The following TSPAN17 variants were observed in gnomAD, a reference collection of about 807,000 sequenced individuals.
TSPAN17 encodes the protein tetraspanin 17.
Under a neutral mutation model 40.5 loss-of-function variants are expected in TSPAN17, and 33 were observed. That is an observed-to-expected ratio of 0.81 (90% CI 0.62 to 1.09). TSPAN17 has a LOEUF of 1.09. TSPAN17 is among the 50% of genes least tolerant of loss of function. The probability of loss-of-function intolerance (pLI) is 0.00; values close to 1 mark genes in which losing one functional copy is unlikely to be tolerated. For missense variants in TSPAN17, 365 were observed against 416.8 expected (o/e 0.88, Z 1.08); for synonymous variants, 166 against 169.4 (o/e 0.98, Z 0.15).
chr5:176,651,609 C>G lies in TSPAN17; in HGVS notation c.88-7C>G, dbSNP rs758636703. 1 of 1,612,280 alleles carries G rather than the reference C, an allele frequency of 6.2e-7. No homozygotes were observed. The highest frequency in any genetic ancestry group is 1.3e-5 in the African/African-American group (1 of 75,014). On this transcript the variant is annotated splice_polypyrimidine_tract_variant and splice_region_variant and intron_variant, in intron 1 of 8. Coordinates refer to ENST00000508164, the MANE Select transcript of TSPAN17 (RefSeq NM_130465.5). The surrounding 1 kb of genome is among the most constrained non-coding windows in gnomAD (Gnocchi z 4.5). ...CAGCCCTGAGCTCTTTGTTGCTGCC[C>G]TTGCAGGTGCTGGGAGCCCTGTTCC...
intron 1 of TSPAN17, among the ~76,000 whole-genome samples, chr5:176,648,515 G>T (rs1214188188): frequency 6.6e-6 from 1 of 152,232 alleles, no homozygotes; most frequent in Non-Finnish European, 1.5e-5. Context: ...GAGGCCTTGG[G>T]TCAAGATGCC....
intron 8 of TSPAN17, 197 bp from the exon 9 acceptor site, chr5:176,657,321 C>A: frequency 1.0e-6 from 1 of 993,394 alleles, no homozygotes; most frequent in Non-Finnish European, 1.4e-6. Context: ...CCCCCCGTTC[C>A]CTGCCCCCCA....
chr5:176,657,452 C>T, intron 8 of TSPAN17, 66 bp from the exon 9 acceptor site: 1 of 1,547,808 alleles, frequency 6.5e-7, no homozygotes, highest in Non-Finnish European at 8.7e-7. Context: ...AGGAACCCAC[C>T]TCAGCCTCAG....
chr5:176,657,200 G>T, intron 8 of TSPAN17: 1 of 617,810 alleles, frequency 1.6e-6, no homozygotes, highest in Non-Finnish European at 2.8e-6. Flanking sequence ...CGTGTGCACA[G>T]GGAGCCACCG....
At chr5:176,652,080 T>G (rs559086538) in intron 3 of TSPAN17, among the ~76,000 whole-genome samples, 180 bp downstream of exon 3, 3 of 152,188 alleles carry the variant, frequency 2.0e-5, no homozygotes, top group Non-Finnish European at 4.4e-5. Context: ...CGAGACCTGG[T>G]GGCCCAAGCA....
In TSPAN17 at chr5:176,650,879, G is replaced by A. The variant is rs1030623244; in HGVS notation, c.88-737G>A. Among the ~76,000 whole-genome samples, 2 of 152,172 alleles carry A rather than the reference G, an allele frequency of 1.3e-5. No homozygotes were observed. Among genetic ancestry groups the A allele is most frequent in the Admixed American group, 6.5e-5 (1 of 15,278 alleles). The stretch of plus-strand genomic sequence containing the variant: ...TGAGAGTGACCAGCCTGGACATCCA[G>A]GGCTCTTCCCAGTAGGGAATTGAGG... On this transcript the variant is annotated intron_variant, in intron 1 of 8. Transcript: ENST00000508164. This position sits in a 1 kb window ranked among gnomAD's most constrained non-coding sequence, Gnocchi z 4.0.
chr5:176,656,816 G>C lies in TSPAN17; in HGVS notation c.747G>C (p.Gln249His). The C allele has an allele frequency of 6.2e-7, 1 of 1,614,222 alleles. No homozygotes were observed. Among genetic ancestry groups the C allele is most frequent in the Non-Finnish European group, 8.5e-7 (1 of 1,180,030 alleles). ...AGVFMGIALL[Q>H]IFGICLAQNL... Reference sequence around the variant, plus strand: ...TCTTCATGGGCATCGCCCTCCTCCAGGTACCCTTGTGGCCCCACGTGCCCC... The same window carrying C: ...TCTTCATGGGCATCGCCCTCCTCCACGTACCCTTGTGGCCCCACGTGCCCC... The change falls in exon 7 of 9, where the codon CAG (glutamine) becomes CAC (histidine). Residue 249 changes from glutamine (Q) to histidine (H), a missense_variant and splice_region_variant. Transcript: ENST00000508164.
Position 176,651,326 on chromosome 5 carries a change from C to G in TSPAN17, c.88-290C>G, listed in dbSNP as rs1326549911. 6.6e-6 allele frequency among the ~76,000 whole-genome samples: 1 copy of G among 152,184 alleles called. No individual in the cohort carries two copies. Among genetic ancestry groups the G allele is most frequent in the African/African-American group, 2.4e-5 (1 of 41,426 alleles). On this transcript the variant is annotated intron_variant, in intron 1 of 8. Coordinates refer to ENST00000508164, the MANE Select transcript of TSPAN17 (RefSeq NM_130465.5). This position sits in a 1 kb window ranked among gnomAD's most constrained non-coding sequence, Gnocchi z 4.5. ...ACCCCCGCTGACACAGCTGCTATTG[C>G]TCCTTGGCAGGAGTGTCTTGGCCAC... is the stretch of plus-strand genomic sequence containing the variant.
chr5:176,647,769 C>A, intron 1 of TSPAN17, 67 bp downstream of exon 1: 1 of 1,417,062 alleles, frequency 7.1e-7, no homozygotes, highest in Non-Finnish European at 9.5e-7. Context: ...CAGTCTTTTG[C>A]TGGGGGAGAC....
At chr5:176,655,127 T>G in intron 5 of TSPAN17, 107 bp downstream of exon 5, 4 of 1,380,866 alleles carry the variant, frequency 2.9e-6, no homozygotes, top group Non-Finnish European at 3.8e-6. Context: ...GGGGCGTGGA[T>G]GCTGGGGGAC....
chr5:176,648,397 G>T (rs1469802258), intron 1 of TSPAN17, among the ~76,000 whole-genome samples: 1 of 152,230 alleles, frequency 6.6e-6, no homozygotes, highest in Non-Finnish European at 1.5e-5. Flanking sequence ...CCCTACCGGG[G>T]AAGGGAGCTA....
rs1484261441 is a variant in TSPAN17 at position 176,650,599 on chromosome 5, C to G, written c.88-1017C>G. Reference sequence around the variant, plus strand: ...GCAGGAGAAGTGATGTTTGGTTTCACATCAGCAGACCCAGCAGGCAGGAGG... The same window carrying G: ...GCAGGAGAAGTGATGTTTGGTTTCAGATCAGCAGACCCAGCAGGCAGGAGG... On this transcript the variant is annotated intron_variant, in intron 1 of 8. Coordinates refer to ENST00000508164, the MANE Select transcript of TSPAN17 (RefSeq NM_130465.5). The surrounding 1 kb of genome is among the most constrained non-coding windows in gnomAD (Gnocchi z 4.0). Among the ~76,000 whole-genome samples the G allele has an allele frequency of 1.3e-5, 2 of 152,180 alleles. No individual in the cohort carries two copies. Among genetic ancestry groups the G allele is most frequent in the Non-Finnish European group, 2.9e-5 (2 of 68,024 alleles).
chr5:176,654,796 C>A lies in TSPAN17; in HGVS notation c.457-99C>A. The stretch of plus-strand genomic sequence containing the variant: ...CCACTTGGCTGTCCCAGCCCTGTCC[C>A]AGACAGCCCTGTATTCCTGCAGCCT... On this transcript the variant is annotated intron_variant, in intron 4 of 8. Transcript: ENST00000508164. The surrounding 1 kb of genome is among the most constrained non-coding windows in gnomAD (Gnocchi z 4.3). 6.8e-7 allele frequency: 1 copy of A among 1,472,404 alleles called. No individual in the cohort carries two copies. The highest frequency in any genetic ancestry group is 9.2e-7 in the Non-Finnish European group (1 of 1,089,444). 91.2% of individuals were successfully genotyped at this position (1,472,404 alleles called of 1,614,324 possible). A position where few individuals can be genotyped will look rare whatever the true frequency, so the allele number is the denominator to read the frequency against.
Position 176,654,859 on chromosome 5 carries a change from G to A in TSPAN17, c.457-36G>A, listed in dbSNP as rs977969745. Reference sequence around the variant, plus strand: ...AAACAGGGTGAGGCTCCTGGGATGGGCCTGGCTCACCTGGGGCTCTCCCCT... The same window carrying A: ...AAACAGGGTGAGGCTCCTGGGATGGACCTGGCTCACCTGGGGCTCTCCCCT... On this transcript the variant is annotated intron_variant, in intron 4 of 8. Coordinates refer to ENST00000508164, the MANE Select transcript of TSPAN17 (RefSeq NM_130465.5). The surrounding 1 kb of genome is among the most constrained non-coding windows in gnomAD (Gnocchi z 4.3). The A allele has an allele frequency of 1.6e-5, 25 of 1,610,294 alleles. No individual in the cohort carries two copies. Among genetic ancestry groups the A allele is most frequent in the Non-Finnish European group, 2.0e-5 (24 of 1,178,242 alleles).
chr5:176,652,706 C>T (rs768999064), intron 3 of TSPAN17, 37 bp from the exon 4 acceptor site: 4 of 1,605,250 alleles, frequency 2.5e-6, no homozygotes, highest in East Asian at 2.2e-5. Flanking sequence ...CAGAGCCCTG[C>T]GTTTCCAACC....
At position 176,651,852 on chromosome 5, in the gene TSPAN17, T is replaced by G; in HGVS notation, c.237T>G (p.Phe79Leu). 1 of 1,614,156 alleles carries G rather than the reference T, an allele frequency of 6.2e-7. No individual in the cohort carries two copies. Among genetic ancestry groups the G allele is most frequent in the Non-Finnish European group, 8.5e-7 (1 of 1,180,006 alleles). ...VVGGVMSVLG[F>L]AGCIGALREN... is the part of the protein sequence containing the mutation. ...GAGGCGTCATGTCGGTGCTGGGCTT[T>G]GCTGGCTGCATTGGGGCCCTCCGGG... is the stretch of plus-strand genomic sequence containing the variant. The change falls in exon 3 of 9, where the codon TTT becomes TTG. Residue 79 changes from phenylalanine to leucine, a missense_variant. Transcript: ENST00000508164. This position sits in a 1 kb window ranked among gnomAD's most constrained non-coding sequence, Gnocchi z 4.5.
rs1760937805 is a variant in TSPAN17, at chr5:176,650,821, C to G, written c.88-795C>G. On this transcript the variant is annotated intron_variant, in intron 1 of 8. Transcript: ENST00000508164. The surrounding 1 kb of genome is among the most constrained non-coding windows in gnomAD (Gnocchi z 4.0). ...TACGACAGCCTTTCCCCCTCTGAGA[C>G]TGCACGCCCAGGGACCTGCCCAGGG... 6.6e-6 allele frequency among the ~76,000 whole-genome samples: 1 copy of G among 152,200 alleles called. No individual in the cohort carries two copies. Among genetic ancestry groups the G allele is most frequent in the Admixed American group, 6.5e-5 (1 of 15,288 alleles).
At chr5:176,657,386 C>T in intron 8 of TSPAN17, 132 bp from the exon 9 acceptor site, 1 of 1,457,978 alleles carries the variant, frequency 6.9e-7, no homozygotes, top group Admixed American at 2.3e-5. Context: ...GCCTGAGCCA[C>T]TGCCTCACAC....
In TSPAN17 at chr5:176,657,536, C is replaced by T. The variant is rs112610166; in HGVS notation, c.828C>T (p.Asp276=). 1.3e-5 allele frequency: 20 copies of T among 1,598,948 alleles called. No individual in the cohort carries two copies. The highest frequency in any genetic ancestry group is 2.3e-5 in the East Asian group (1 of 44,246). Residue 276 remains aspartate (D), a synonymous_variant, in exon 9 of 9, where the codon GAC becomes GAT. Transcript: ENST00000508164. The part of the protein sequence containing the change: ...VKANWSKWND[D]FENHWLTPTI... ...CTCTCAGGAGCAAATGGAATGATGA[C>T]TTTGAAAACCACTGGCTTACGCCCA...
Sources: allele counts gnomAD v4.1 joint callset (sites outside exome capture counted in the v4.1 genomes callset), GRCh38; gene constraint gnomAD v4.1.1; non-coding constraint Gnocchi (gnomAD v3.1); transcripts MANE v1.5; gene names NCBI Gene and HGNC (gene_info 2026-07-23, HGNC 2026-07-21).